PAFAH1B1: variants seen among roughly 807,000 people sequenced by gnomAD.
PAFAH1B1 encodes platelet-activating factor acetylhydrolase IB subunit beta.
PAFAH1B1 carries 2 observed loss-of-function variants against 57.5 expected under a neutral mutation model. The observed-to-expected ratio is 0.03, with a 90% CI of 0.01 to 0.11. PAFAH1B1 has a LOEUF of 0.11. Ranked by LOEUF, PAFAH1B1 falls within the 10% of genes least tolerant of loss-of-function variation. The pLI, the probability that PAFAH1B1 is intolerant of heterozygous loss-of-function variation, is 1.00. For synonymous variants in PAFAH1B1, 152 were observed against 169.6 expected (o/e 0.90, Z 0.81); for missense variants, 257 against 512.0 (o/e 0.50, Z 4.81).
At chr17:2,658,382 C>T (rs1390468315) in intron 2 of PAFAH1B1, among the ~76,000 whole-genome samples, 1 of 152,184 alleles carries the variant, frequency 6.6e-6, no homozygotes, top group Admixed American at 6.5e-5. Context: ...TGACTGCCCT[C>T]TGTTTTGTGT....
At chr17:2,654,690 G>A (rs138171865) in intron 2 of PAFAH1B1, among the ~76,000 whole-genome samples, 3 of 152,230 alleles carry the variant, frequency 2.0e-5, no homozygotes, top group African/African-American at 7.2e-5. Flanking sequence ...TACCGAGGCT[G>A]GAGTGCAGTG....
Position 2,665,455 on chromosome 17 carries a change from T to C in PAFAH1B1, c.116T>C (p.Val39Ala), listed in dbSNP as rs1454875471. ...SVFKKEAELD[V>A]NEELDKKYAG... ...TTTAAAAAGGAAGCTGAATTAGATG[T>C]GGTATGTTTTACTTTTTACAATTCA... The change falls in exon 3 of 11, where the codon GTG becomes GCG. Residue 39 changes from valine (V) to alanine (A), a missense_variant and splice_region_variant. Coordinates refer to ENST00000397195, the MANE Select transcript of PAFAH1B1 (RefSeq NM_000430.4). 6.5e-7 allele frequency: 1 copy of C among 1,546,770 alleles called. No homozygotes were observed. The highest frequency in any genetic ancestry group is 8.9e-7 in the Non-Finnish European group (1 of 1,119,536).
chr17:2,682,778 T>A lies in PAFAH1B1; in HGVS notation c.*976T>A, dbSNP rs567121955. ...AAGGAGTGGGAGGAATACAGCAGTTTGTTTTTCAACATGAATCTGATATTG... is the reference window on the plus strand; with the variant it reads ...AAGGAGTGGGAGGAATACAGCAGTTAGTTTTTCAACATGAATCTGATATTG... On this transcript the variant is annotated 3_prime_UTR_variant, in exon 11 of 11. Coordinates refer to ENST00000397195, the MANE Select transcript of PAFAH1B1 (RefSeq NM_000430.4). 8.5e-5 allele frequency: 13 copies of A among 152,870 alleles called. No homozygotes were observed. The highest frequency in any genetic ancestry group is 6.2e-4 in the South Asian group (3 of 4,832). The allele number at this position is 152,870 out of a possible 1,614,324, so 9.5% of individuals were successfully genotyped here.
intron 1 of PAFAH1B1, among the ~76,000 whole-genome samples, chr17:2,624,571 C>T (rs1018572317): frequency 6.6e-6 from 1 of 152,142 alleles, no homozygotes; most frequent in Non-Finnish European, 1.5e-5. Flanking sequence ...CCCTGATAAA[C>T]CTGTCAGATC....
chr17:2,646,315 CAT>C, intron 2 of PAFAH1B1, among the ~76,000 whole-genome samples: 1 of 152,186 alleles, frequency 6.6e-6, no homozygotes, highest in East Asian at 1.9e-4. Flanking sequence ...AGAGAAAAGA[CAT>C]AAATGAACTT....
In PAFAH1B1 at chr17:2,596,055, G is replaced by A. The variant is rs144984030; in HGVS notation, c.-191+2049G>A. On this transcript the variant is annotated intron_variant, in intron 1 of 10. Coordinates refer to ENST00000397195, the MANE Select transcript of PAFAH1B1 (RefSeq NM_000430.4). ...GCTACAACTAAGTCATTTCTCTGTCGTAAGTCTTAAAATCTAATGTTTTCC... is the reference window on the plus strand; with the variant it reads ...GCTACAACTAAGTCATTTCTCTGTCATAAGTCTTAAAATCTAATGTTTTCC... Among the ~76,000 whole-genome samples the A allele has an allele frequency of 5.4e-3, 824 of 152,208 alleles. 6 individuals carry two copies. Among genetic ancestry groups the A allele is most frequent in the South Asian group, 0.016 (79 of 4,828 alleles).
At chr17:2,652,226 C>G (rs61419149) in intron 2 of PAFAH1B1, among the ~76,000 whole-genome samples, 1 of 151,782 alleles carries the variant, frequency 6.6e-6, no homozygotes. Context: ...CTGGCTAACA[C>G]GGTGAAACCC....
intron 1 of PAFAH1B1, chr17:2,613,977 CA>C (rs1429087445): frequency 5.9e-6 from 1 of 170,118 alleles, no homozygotes; most frequent in East Asian, 1.4e-4. Context: ...AACAGTAGCG[CA>C]ATGAGCGGCC....
chr17:2,632,761 A>G (rs2068571586), intron 1 of PAFAH1B1, among the ~76,000 whole-genome samples: 1 of 152,208 alleles, frequency 6.6e-6, no homozygotes, highest in South Asian at 2.1e-4. Context: ...GATGATTTAT[A>G]TTATAGGGGA....
At chr17:2,659,908 T>TC (rs1428205765) in intron 2 of PAFAH1B1, among the ~76,000 whole-genome samples, 1 of 152,182 alleles carries the variant, frequency 6.6e-6, no homozygotes, top group Non-Finnish European at 1.5e-5. Context: ...TAGGGAATGA[T>TC]CCCCTGTATA....
At chr17:2,663,490 C>A (rs1175636696) in intron 2 of PAFAH1B1, among the ~76,000 whole-genome samples, 1 of 152,016 alleles carries the variant, frequency 6.6e-6, no homozygotes, top group Non-Finnish European at 1.5e-5. Flanking sequence ...CAGGCTCAAG[C>A]CATTCTCCCG....
At chr17:2,649,581 A>C (rs1255185527) in intron 2 of PAFAH1B1, among the ~76,000 whole-genome samples, 1 of 152,160 alleles carries the variant, frequency 6.6e-6, no homozygotes, top group Non-Finnish European at 1.5e-5. Flanking sequence ...CTCAAAATAA[A>C]TAAATAATAA....
At chr17:2,662,977 G>C (rs966310623) in intron 2 of PAFAH1B1, among the ~76,000 whole-genome samples, 1 of 152,118 alleles carries the variant, frequency 6.6e-6, no homozygotes, top group East Asian at 1.9e-4. Flanking sequence ...GCTGGGCATC[G>C]TGGCACCTGC....
At chr17:2,679,368 A>ATGGATG (rs1567562671) in intron 9 of PAFAH1B1, among the ~76,000 whole-genome samples, 1 of 7,466 alleles carries the variant, frequency 1.3e-4, no homozygotes, top group African/African-American at 1.7e-4. Flanking sequence ...ATGGATGATT[A>ATGGATG]GATGGATGAA....
intron 2 of PAFAH1B1, 75 bp downstream of exon 2, chr17:2,638,395 T>C (rs1391807015): frequency 1.5e-5 from 17 of 1,167,846 alleles, no homozygotes; most frequent in Non-Finnish European, 1.3e-6. Context: ...AATACAGCTT[T>C]GGGAGGTCTC....
chr17:2,616,859 C>G (rs1044248840), intron 1 of PAFAH1B1, among the ~76,000 whole-genome samples: 2 of 151,454 alleles, frequency 1.3e-5, no homozygotes, highest in East Asian at 1.9e-4. Context: ...GTCAAGAGAT[C>G]GAGACCATCC....
At chr17:2,630,700 G>A (rs1567536732) in intron 1 of PAFAH1B1, among the ~76,000 whole-genome samples, 1 of 152,106 alleles carries the variant, frequency 6.6e-6, no homozygotes, top group Non-Finnish European at 1.5e-5. Context: ...TCCCAAATAT[G>A]TTTTCCACGC....
chr17:2,652,346 C>T lies in PAFAH1B1; in HGVS notation c.33-13026C>T, dbSNP rs183957068. On this transcript the variant is annotated intron_variant, in intron 2 of 10. Transcript: ENST00000397195. The stretch of plus-strand genomic sequence containing the variant: ...AGGAGAATGGCGTGAACCCGGGAGG[C>T]GGAGCTTGCAGTGAGCCAAGATCGC... Among the ~76,000 whole-genome samples the T allele has an allele frequency of 2.9e-3, 440 of 152,282 alleles. 2 individuals are homozygous for T. The highest frequency in any genetic ancestry group is 9.7e-3 in the African/African-American group (403 of 41,546).
rs374947307 is a variant in PAFAH1B1 at position 2,684,038 on chromosome 17, C to G, written c.*2236C>G. ...TTCCCCTGCAGCACACAGCGACTTGCGTTGACAAAGGAGGAGGAAACGATT... is the reference window on the plus strand; with the variant it reads ...TTCCCCTGCAGCACACAGCGACTTGGGTTGACAAAGGAGGAGGAAACGATT... On this transcript the variant is annotated 3_prime_UTR_variant, in exon 11 of 11. Transcript: ENST00000397195. The G allele has an allele frequency of 6.6e-6, 1 of 152,620 alleles. No individual in the cohort carries two copies. The highest frequency in any genetic ancestry group is 6.5e-5 in the Admixed American group (1 of 15,272). The allele number at this position is 152,620 out of a possible 1,614,324, so 9.5% of individuals were successfully genotyped here.
Sources: gnomAD v4.1 joint callset for allele counts (sites outside exome capture counted in the v4.1 genomes callset) on GRCh38, gnomAD v4.1.1 for gene constraint, MANE v1.5 for transcripts, NCBI Gene and HGNC (gene_info 2026-07-23, HGNC 2026-07-21) for gene names.